RNF130: variants seen among roughly 807,000 people sequenced by gnomAD.
RNF130 encodes the protein ring finger protein 130.
In RNF130, 21 loss-of-function variants were observed where a neutral mutation model predicts 44.6. The observed-to-expected ratio is 0.47, with a 90% CI of 0.33 to 0.68. RNF130 has a LOEUF of 0.68. RNF130 is among the 30% of genes least tolerant of loss of function. The pLI is 0.02. For synonymous variants in RNF130, 214 were observed against 210.4 expected, an observed-to-expected ratio of 1.02 and a Z score of -0.15; for missense variants, 479 against 560.6, an observed-to-expected ratio of 0.85 and a Z score of 1.47.
At chr5:180,000,887 T>G (rs1197869400) in intron 3 of RNF130, among the ~76,000 whole-genome samples, 1 of 152,194 alleles carries the variant, frequency 6.6e-6, no homozygotes, top group African/African-American at 2.4e-5. Flanking sequence ...TTTTTCCCAT[T>G]GGAGTGTGTT....
intron 2 of RNF130, among the ~76,000 whole-genome samples, chr5:180,015,118 T>A (rs570941149): frequency 6.6e-6 from 1 of 152,196 alleles, no homozygotes; most frequent in Non-Finnish European, 1.5e-5. Flanking sequence ...GAATACCGAT[T>A]AAAAATCTAC....
exon 8 of RNF130, chr5:179,920,424 C>T (rs1761612350): frequency 1.4e-6 from 1 of 702,200 alleles, no homozygotes; most frequent in Admixed American, 2.0e-5. Flanking sequence ...AAGAAGTGAC[C>T]ACCTGGAAAA....
chr5:179,923,088 T>A (rs1761658282), intron 7 of RNF130, among the ~76,000 whole-genome samples: 1 of 152,178 alleles, frequency 6.6e-6, no homozygotes, highest in Admixed American at 6.5e-5. Context: ...CCTATTATAG[T>A]TTGTGCTTTT....
At chr5:180,026,378 A>G (rs1393813837) in intron 2 of RNF130, among the ~76,000 whole-genome samples, 2 of 152,244 alleles carry the variant, frequency 1.3e-5, no homozygotes, top group Non-Finnish European at 2.9e-5. Flanking sequence ...CCAGGAAAAT[A>G]AATCCATAAT....
chr5:179,987,655 T>A (rs747375735), intron 3 of RNF130, among the ~76,000 whole-genome samples: 3 of 152,246 alleles, frequency 2.0e-5, no homozygotes, highest in Non-Finnish European at 4.4e-5. Flanking sequence ...TTGAAGTATG[T>A]TACTTCTATA....
At chr5:180,060,740 A>C (rs1196972143) in intron 1 of RNF130, among the ~76,000 whole-genome samples, 1 of 152,164 alleles carries the variant, frequency 6.6e-6, no homozygotes, top group Admixed American at 6.6e-5. Flanking sequence ...ATCAAAGGGG[A>C]TCTATAAAGC....
At chr5:180,009,343 C>T (rs897952689) in intron 3 of RNF130, among the ~76,000 whole-genome samples, 1 of 152,122 alleles carries the variant, frequency 6.6e-6, no homozygotes, top group Admixed American at 6.6e-5. Context: ...TCTCTGCAAG[C>T]CACATATTTG....
chr5:180,055,248 CAAA>C (rs1205914690), intron 1 of RNF130, among the ~76,000 whole-genome samples: 449 of 20,896 alleles, frequency 0.021, 28 homozygotes, highest in East Asian at 0.11. Context: ...GGTTCTGTCT[CAAA>C]AAAAAAAAAA....
At chr5:179,930,550 T>C (rs570951352) in intron 7 of RNF130, among the ~76,000 whole-genome samples, 26 of 152,338 alleles carry the variant, frequency 1.7e-4, no homozygotes, top group African/African-American at 6.0e-4. Context: ...TCTTGCCATA[T>C]GGTAATGGCT....
At chr5:180,045,400 G>C (rs867278203) in intron 1 of RNF130, among the ~76,000 whole-genome samples, 9 of 152,290 alleles carry the variant, frequency 5.9e-5, no homozygotes, top group Non-Finnish European at 7.4e-5. Context: ...CTGACTTCAA[G>C]AGTGAAGCTG....
At chr5:179,944,727 A>G (rs1762013511) in intron 7 of RNF130, among the ~76,000 whole-genome samples, 1 of 151,780 alleles carries the variant, frequency 6.6e-6, no homozygotes, top group South Asian at 2.1e-4. Flanking sequence ...ACACCACTCC[A>G]GCCTGGGTGA....
intron 1 of RNF130, among the ~76,000 whole-genome samples, chr5:180,054,551 C>A (rs1764762349): frequency 6.6e-6 from 1 of 152,248 alleles, no homozygotes; most frequent in Non-Finnish European, 1.5e-5. Context: ...TCTCAAAAAT[C>A]AAGTGACAAA....
At chr5:180,033,107 G>A (rs917306148) in intron 2 of RNF130, among the ~76,000 whole-genome samples, 10 of 151,956 alleles carry the variant, frequency 6.6e-5, no homozygotes, top group African/African-American at 2.4e-4. Flanking sequence ...CCGAGTAGCT[G>A]GGACCACAGG....
At chr5:179,930,272 G>A (rs1203603163) in intron 7 of RNF130, among the ~76,000 whole-genome samples, 1 of 152,138 alleles carries the variant, frequency 6.6e-6, no homozygotes, top group Non-Finnish European at 1.5e-5. Context: ...TGGTCAGGCT[G>A]ATCTCGAACT....
intron 2 of RNF130, among the ~76,000 whole-genome samples, chr5:180,032,045 G>A (rs775130364): frequency 1.3e-5 from 2 of 152,158 alleles, no homozygotes; most frequent in Admixed American, 1.3e-4. Flanking sequence ...TTTGCCCGTT[G>A]TAAAACTAGG....
intron 1 of RNF130, among the ~76,000 whole-genome samples, chr5:180,053,825 C>CTT (rs56130424): frequency 7.5e-6 from 1 of 133,186 alleles, no homozygotes. Flanking sequence ...CAAATACATT[C>CTT]TTTTTTTTTT....
chr5:180,058,734 G>C (rs1764899336), intron 1 of RNF130, among the ~76,000 whole-genome samples: 2 of 152,018 alleles, frequency 1.3e-5, no homozygotes, highest in Non-Finnish European at 2.9e-5. Context: ...GCTAATTTTT[G>C]TATTTTTAGT....
intron 2 of RNF130, chr5:180,015,332 T>C (rs1763692361): frequency 1.9e-6 from 1 of 533,736 alleles, no homozygotes. Context: ...ATAAAGTAAC[T>C]GAGACGGATC....
chr5:179,912,291 C>A (rs1761477995), exon 8 of RNF130: 1 of 152,242 alleles, frequency 6.6e-6, no homozygotes, highest in Admixed American at 6.5e-5. Context: ...GCACCAGCTC[C>A]TCCTCCTGTA....
Sources: gnomAD v4.1 joint callset for allele counts (sites outside exome capture counted in the v4.1 genomes callset) on GRCh38, gnomAD v4.1.1 for gene constraint, MANE v1.5 for transcripts, NCBI Gene and HGNC (gene_info 2026-07-23, HGNC 2026-07-21) for gene names.